Variants in GATAD2A observed in about 807,000 individuals in gnomAD.
The protein encoded by GATAD2A is transcriptional repressor p66-alpha.
A neutral mutation model predicts 68.5 loss-of-function variants in GATAD2A; 12 were observed. The ratio of observed to expected loss-of-function variants is 0.18; its 90% confidence interval spans 0.11 to 0.28. The LOEUF (loss-of-function observed/expected upper bound fraction) is 0.28, where lower values mean the gene tolerates loss of function less well. Among genes scored for constraint, GATAD2A ranks in the 10% least tolerant of loss-of-function variants. The pLI is 1.00. For missense variants in GATAD2A, 755 were observed against 868.5 expected (o/e 0.87, Z 1.64); for synonymous variants, 410 against 375.3 (o/e 1.09, Z -1.07).
At chr19:19,496,627 C>G (rs887859829) in intron 7 of GATAD2A, among the ~76,000 whole-genome samples, 3 of 152,214 alleles carry the variant, frequency 2.0e-5, no homozygotes, top group South Asian at 4.1e-4. Context: ...TGCCGCCCTC[C>G]CGGCAGTGGC....
intron 6 of GATAD2A, 67 bp from the exon 7 acceptor site, chr19:19,495,985 G>A (rs1600287858): frequency 2.5e-6 from 4 of 1,585,272 alleles, no homozygotes; most frequent in East Asian, 4.5e-5. Context: ...GGTGCCCTGT[G>A]CCTTCCGGTC....
intron 2 of GATAD2A, among the ~76,000 whole-genome samples, chr19:19,473,690 C>T (rs917375999): frequency 6.6e-6 from 1 of 151,474 alleles, no homozygotes; most frequent in African/African-American, 2.4e-5. Context: ...GTAATCCCAG[C>T]ACTTTGGGAG....
In GATAD2A at chr19:19,498,440, A is replaced by C. The variant is rs777121275; in HGVS notation, c.925-3A>C. On this transcript the variant is annotated splice_polypyrimidine_tract_variant and splice_region_variant and intron_variant, in intron 7 of 11. Transcript: ENST00000683918. ...GCCCTGACTGAGTTTTTGTCTCCCA[A>C]AGCCCACCCCAGCATCACTGAAGGG... The C allele has an allele frequency of 4.4e-6, 7 of 1,598,160 alleles. No homozygotes were observed. The African/African-American group carries it at 6.7e-5, about 15-fold the overall frequency.
chr19:19,403,883 T>A (rs905989177), upstream of GATAD2A, among the ~76,000 whole-genome samples: 1 of 152,234 alleles, frequency 6.6e-6, no homozygotes, highest in African/African-American at 2.4e-5. Context: ...GGGAGCTCTT[T>A]GAATTCCTAT....
At chr19:19,477,299 G>T (rs2058736916) in intron 2 of GATAD2A, among the ~76,000 whole-genome samples, 1 of 152,166 alleles carries the variant, frequency 6.6e-6, no homozygotes, top group Admixed American at 6.5e-5. Flanking sequence ...TGTGCCATAG[G>T]ACTGCGGATT....
At chr19:19,398,913 G>T (rs557013525) in intron 1 of GATAD2A, among the ~76,000 whole-genome samples, 1 of 152,254 alleles carries the variant, frequency 6.6e-6, no homozygotes, top group Non-Finnish European at 1.5e-5. Flanking sequence ...ACAAAAATTA[G>T]CTGGGCACAG....
At chr19:19,418,723 T>C (rs2051955980) in intron 1 of GATAD2A, among the ~76,000 whole-genome samples, 1 of 152,220 alleles carries the variant, frequency 6.6e-6, no homozygotes, top group Non-Finnish European at 1.5e-5. Flanking sequence ...GGAAGTTTCC[T>C]TGTTTCATGC....
At chr19:19,440,259 AT>A in intron 1 of GATAD2A, 1 of 246,744 alleles carries the variant, frequency 4.1e-6, no homozygotes. Flanking sequence ...ATTTTTATTT[AT>A]TTTTTATTTT....
intron 7 of GATAD2A, 79 bp downstream of exon 7, chr19:19,496,298 C>T: frequency 7.7e-7 from 1 of 1,302,226 alleles, no homozygotes; most frequent in East Asian, 2.3e-5. Context: ...GGTTCTGGGG[C>T]ACAGTAGTGT....
chr19:19,449,378 T>C (rs1397524929), intron 1 of GATAD2A, among the ~76,000 whole-genome samples: 1 of 152,130 alleles, frequency 6.6e-6, no homozygotes, highest in Admixed American at 6.6e-5. Flanking sequence ...CTAGATGTTA[T>C]TTATTTTTAG....
At chr19:19,475,738 C>T (rs886338662) in intron 2 of GATAD2A, among the ~76,000 whole-genome samples, 1 of 152,182 alleles carries the variant, frequency 6.6e-6, no homozygotes, top group Admixed American at 6.5e-5. Context: ...CCCTCCAAAC[C>T]TCAGTGGCCA....
intron 1 of GATAD2A, chr19:19,436,181 G>A: frequency 1.5e-6 from 2 of 1,366,318 alleles, no homozygotes. Context: ...TGTGGCCATG[G>A]CCAACTGGTA....
chr19:19,423,449 C>T lies in GATAD2A; in HGVS notation c.-7+17430C>T, dbSNP rs533651534. On this transcript the variant is annotated intron_variant, in intron 1 of 11. Transcript: ENST00000683918. ...TGGCTGTGGTGCGTCATCAGTTTGC[C>T]GCAGTGATGAAGCTTCTGGGACTAA... 2.8e-4 allele frequency among the ~76,000 whole-genome samples: 43 copies of T among 152,346 alleles called. No individual in the cohort carries two copies. The South Asian group carries it at 3.9e-3, about 14-fold the overall frequency.
chr19:19,496,648 T>C (rs2060171521), intron 7 of GATAD2A, among the ~76,000 whole-genome samples: 1 of 152,224 alleles, frequency 6.6e-6, no homozygotes, highest in Admixed American at 6.5e-5. Flanking sequence ...TTCTTCCGAT[T>C]GCCTCCTCAG....
At chr19:19,474,385 C>T (rs1269204113) in intron 2 of GATAD2A, among the ~76,000 whole-genome samples, 1 of 152,196 alleles carries the variant, frequency 6.6e-6, no homozygotes, top group African/African-American at 2.4e-5. Flanking sequence ...CATCCCACTC[C>T]AGAAGGGCCC....
intron 1 of GATAD2A, among the ~76,000 whole-genome samples, chr19:19,423,281 C>T (rs1433879956): frequency 6.6e-6 from 1 of 152,248 alleles, no homozygotes; most frequent in African/African-American, 2.4e-5. Flanking sequence ...GCTGAGGTTA[C>T]AGGCATGAGC....
intron 1 of GATAD2A, among the ~76,000 whole-genome samples, chr19:19,410,587 G>T (rs2050801575): frequency 6.6e-6 from 1 of 152,336 alleles, no homozygotes; most frequent in African/African-American, 2.4e-5. Context: ...TTGAAACGTA[G>T]CCTAAATAAG....
chr19:19,449,558 A>C (rs933999892), intron 1 of GATAD2A, among the ~76,000 whole-genome samples: 1 of 150,090 alleles, frequency 6.7e-6, no homozygotes. Flanking sequence ...TGTTTCTGTG[A>C]TGTTTTGCTC....
intron 1 of GATAD2A, among the ~76,000 whole-genome samples, chr19:19,423,058 G>T (rs569725877): frequency 2.6e-5 from 4 of 152,164 alleles, no homozygotes; most frequent in Non-Finnish European, 5.9e-5. Flanking sequence ...CCAGGCTGGC[G>T]TGCAGTGGCA....
Sources: allele counts gnomAD v4.1 joint callset (sites outside exome capture counted in the v4.1 genomes callset), GRCh38; gene constraint gnomAD v4.1.1; transcripts MANE v1.5; gene names NCBI Gene and HGNC (gene_info 2026-07-23, HGNC 2026-07-21).